The following ZSCAN18 variants were observed in gnomAD, a reference collection of about 807,000 sequenced individuals.
The protein encoded by ZSCAN18 is zinc finger and SCAN domain containing 18.
Under a neutral mutation model 31.1 loss-of-function variants are expected in ZSCAN18, and 16 were observed. The observed-to-expected ratio is 0.51, with a 90% CI of 0.35 to 0.78. The LOEUF (loss-of-function observed/expected upper bound fraction) is 0.78. Ranked by LOEUF, ZSCAN18 falls within the 30% of genes least tolerant of loss-of-function variation. ZSCAN18 has a pLI of 0.01. For missense variants in ZSCAN18, 731 were observed against 697.4 expected (o/e 1.05, Z -0.54); for synonymous variants, 375 against 320.7 (o/e 1.17, Z -1.81).
chr19:58,108,095 A>C, intron 1 of ZSCAN18: 2 of 991,390 alleles, frequency 2.0e-6, no homozygotes, highest in Non-Finnish European at 2.4e-6. Flanking sequence ...AACTCATGAG[A>C]TTTCTTTCCA....
intron 1 of ZSCAN18, among the ~76,000 whole-genome samples, chr19:58,113,608 T>C (rs1315850150): frequency 6.6e-6 from 1 of 152,082 alleles, no homozygotes; most frequent in Non-Finnish European, 1.5e-5. Flanking sequence ...CAGCTTGACT[T>C]TTCTCTTTGA....
intron 1 of ZSCAN18, among the ~76,000 whole-genome samples, chr19:58,104,374 C>T (rs61635668): frequency 0.073 from 10,605 of 145,768 alleles, 1,317 homozygotes; most frequent in African/African-American, 0.26. Context: ...GTGAGGCTGT[C>T]TCAAAAACAA....
intron 1 of ZSCAN18, among the ~76,000 whole-genome samples, chr19:58,093,900 G>C (rs1317335793): frequency 6.6e-6 from 1 of 151,942 alleles, no homozygotes; most frequent in Non-Finnish European, 1.5e-5. Flanking sequence ...CGAGTCACTG[G>C]GGTTAGAGGC....
At chr19:58,101,298 A>C (rs1305334088), upstream of ZSCAN18, among the ~76,000 whole-genome samples, 2 of 67,576 alleles carry the variant, frequency 3.0e-5, no homozygotes, top group African/African-American at 1.2e-4. Context: ...ATGCCCAGCT[A>C]ATTTTTTTTT....
Position 58,106,431 on chromosome 19 carries a change from G to A in ZSCAN18, c.130+11836C>T, listed in dbSNP as rs1244899241. On this transcript the variant is annotated intron_variant, in intron 1 of 1. Transcript: ENST00000595721. The stretch of plus-strand genomic sequence containing the variant: ...GAAAAAAAGACATCTGGCTGGGCGC[G>A]GTGGCTCACGCCTGTAATCCCAGCA... 3.0e-4 allele frequency among the ~76,000 whole-genome samples: 14 copies of A among 46,866 alleles called. 5 individuals are homozygous for A. Among genetic ancestry groups the A allele is most frequent in the African/African-American group, 8.2e-4 (14 of 17,034 alleles). 30.7% of individuals were successfully genotyped at this position (46,866 alleles called of 152,430 possible). A position where few individuals can be genotyped will look rare whatever the true frequency, so the allele number is the denominator to read the frequency against.
chr19:58,084,478 G>A lies in ZSCAN18; in HGVS notation c.*207C>T. On this transcript the variant is annotated 3_prime_UTR_variant, in exon 7 of 7. Transcript: ENST00000601144. This position sits in a 1 kb window ranked among gnomAD's most constrained non-coding sequence, Gnocchi z 4.5. ...CGGCTCCCCTCGGATGCGAGCGCTG[G>A]CCCAGGGTGTGTTTACAGAGGTGAG... The A allele has an allele frequency of 2.0e-6, 1 of 492,658 alleles. No individual in the cohort carries two copies. The allele number at this position is 492,658 out of a possible 1,614,324, so 30.5% of individuals were successfully genotyped here. A position where few individuals can be genotyped will look rare whatever the true frequency, so the allele number is the denominator to read the frequency against.
chr19:58,088,881 C>T (rs183538803), intron 2 of ZSCAN18, 44 bp from the exon 3 acceptor site: 108 of 1,574,098 alleles, frequency 6.9e-5, no homozygotes, highest in Admixed American at 3.1e-4. Context: ...GGTCAGGACA[C>T]GTGCCAACAA....
chr19:58,103,787 G>A (rs2074612856), intron 1 of ZSCAN18, among the ~76,000 whole-genome samples: 1 of 116,994 alleles, frequency 8.5e-6, no homozygotes, highest in Non-Finnish European at 2.1e-5. Flanking sequence ...ATTAAGCTTA[G>A]TAAGGAAGGC....
At chr19:58,085,698 AGATGCAC>A in intron 6 of ZSCAN18, 1 of 427,352 alleles carries the variant, frequency 2.3e-6, no homozygotes, top group Non-Finnish European at 4.2e-6. Context: ...CTTGGCCACA[AGATGCAC>A]GATGCAAGGA....
At chr19:58,098,129 G>A (rs1228984123) in intron 1 of ZSCAN18, 45 bp downstream of exon 1, 2 of 985,404 alleles carry the variant, frequency 2.0e-6, no homozygotes, top group Non-Finnish European at 2.4e-6. Flanking sequence ...TACCCTGTTG[G>A]GGTCGCTCTC....
At chr19:58,114,958 A>G (rs1193236368) in intron 1 of ZSCAN18, among the ~76,000 whole-genome samples, 1 of 152,194 alleles carries the variant, frequency 6.6e-6, no homozygotes, top group Non-Finnish European at 1.5e-5. Flanking sequence ...TTCAAGGGGG[A>G]AAAATATGAT....
At chr19:58,105,736 T>C (rs2074629664) in intron 1 of ZSCAN18, among the ~76,000 whole-genome samples, 1 of 151,932 alleles carries the variant, frequency 6.6e-6, no homozygotes, top group African/African-American at 2.4e-5. Flanking sequence ...TCCCAGCACT[T>C]TGGGAGGTTG....
At chr19:58,097,217 G>A (rs1599990725) in intron 1 of ZSCAN18, among the ~76,000 whole-genome samples, 1 of 152,138 alleles carries the variant, frequency 6.6e-6, no homozygotes. Flanking sequence ...GACAGAAATG[G>A]GGGAAGCGGG....
Position 58,084,749 on chromosome 19 carries a change from G to T in ZSCAN18, c.1469C>A (p.Ala490Glu). 1 of 1,556,964 alleles carries T rather than the reference G, an allele frequency of 6.4e-7. No homozygotes were observed. The highest frequency in any genetic ancestry group is 1.2e-5 in the South Asian group (1 of 85,012). ...CTCCACGCTCTCTGGGGGACCGCCCGCCCTAGCCCCCGCCTGGGCTTCGCG... is the reference window on the plus strand; with the variant it reads ...CTCCACGCTCTCTGGGGGACCGCCCTCCCTAGCCCCCGCCTGGGCTTCGCG... The part of the protein sequence containing the change: ...STREAQAGAR[A>E]GGPPESVEGE... The change falls in exon 7 of 7, where the codon GCG (alanine) becomes GAG (glutamate). Residue 490 changes from alanine (A) to glutamate (E), a missense_variant. Ala to Glu is a moderately radical substitution (Grantham distance 107, BLOSUM62 -1). Around this residue, in one of 4 missense-constraint regions of ZSCAN18, gnomAD observed 597 missense variants for 499.5 expected, o/e 1.20. Transcript: ENST00000601144. The surrounding 1 kb of genome is among the most constrained non-coding windows in gnomAD (Gnocchi z 4.5).
chr19:58,088,570 C>T, intron 3 of ZSCAN18, 118 bp downstream of exon 3: 1 of 992,654 alleles, frequency 1.0e-6, no homozygotes, highest in South Asian at 1.6e-5. Context: ...CCAATGATAG[C>T]ATGGACCATG....
In ZSCAN18 at chr19:58,110,180, T is replaced by A. The variant is rs116270842; in HGVS notation, c.130+8087A>T. Among the ~76,000 whole-genome samples the A allele has an allele frequency of 2.6e-3, 401 of 152,284 alleles. 3 individuals are homozygous for A. Among genetic ancestry groups the A allele is most frequent in the African/African-American group, 9.5e-3 (395 of 41,554 alleles). On this transcript the variant is annotated intron_variant, in intron 1 of 1. Coordinates refer to the ZSCAN18 transcript ENST00000595721. ...CAGGTGTGAGCCACCATGCCCATCCTCTAGCTGTATTTCTGAAGTCCCTTC... is the reference window on the plus strand; with the variant it reads ...CAGGTGTGAGCCACCATGCCCATCCACTAGCTGTATTTCTGAAGTCCCTTC...
Position 58,118,397 on chromosome 19 carries a change from G to A in ZSCAN18, c.-1C>T, listed in dbSNP as rs1352225052. On this transcript the variant is annotated 5_prime_UTR_variant, in exon 1 of 2. Coordinates refer to the ZSCAN18 transcript ENST00000595721. ...CAGCTCGCCCTCCGACTCTCCGCAT[G>A]GGCGCGCAGAGTTCCCGGATGCGAT... is the stretch of plus-strand genomic sequence containing the variant. 2.6e-6 allele frequency: 4 copies of A among 1,514,322 alleles called. No individual in the cohort carries two copies. In the African/African-American group the frequency reaches 4.3e-5, roughly 16 times the overall value. 93.8% of individuals were successfully genotyped at this position (1,514,322 alleles called of 1,614,324 possible). A position where few individuals can be genotyped will look rare whatever the true frequency, so the allele number is the denominator to read the frequency against.
chr19:58,086,305 A>T, intron 5 of ZSCAN18, 39 bp from the exon 6 acceptor site: 1 of 1,580,220 alleles, frequency 6.3e-7, no homozygotes, highest in Non-Finnish European at 8.7e-7. Context: ...AAAGGCATCA[A>T]CACAGAGTGG....
intron 1 of ZSCAN18, among the ~76,000 whole-genome samples, chr19:58,117,327 G>C (rs2034608409): frequency 6.6e-6 from 1 of 152,028 alleles, no homozygotes. Context: ...GTCAGCATTC[G>C]GGCATCAGAG....
Sources: allele counts gnomAD v4.1 joint callset (sites outside exome capture counted in the v4.1 genomes callset), GRCh38; gene constraint gnomAD v4.1.1; regional missense constraint gnomAD v4.1.1; non-coding constraint Gnocchi (gnomAD v3.1); transcripts MANE v1.5; gene names NCBI Gene and HGNC (gene_info 2026-07-23, HGNC 2026-07-21).